The following PLXNB2 variants were observed in gnomAD, a reference collection of about 807,000 sequenced individuals.
PLXNB2 encodes the protein plexin B2.
PLXNB2 carries 85 observed loss-of-function variants against 202.6 expected under a neutral mutation model. That is an observed-to-expected ratio of 0.42 (90% confidence interval 0.35 to 0.50). The LOEUF (loss-of-function observed/expected upper bound fraction) is 0.50. Ranked by LOEUF, PLXNB2 falls within the 20% of genes least tolerant of loss-of-function variation. PLXNB2 has a pLI of 0.02. For synonymous variants in PLXNB2, 1,239 were observed against 1,137.6 expected (o/e 1.09, Z -1.79); for missense variants, 2,063 against 2,586.2 (o/e 0.80, Z 4.39).
Position 50,300,151 on chromosome 22 carries a change from G to T in PLXNB2, c.-73-5373C>A, listed in dbSNP as rs553530888. On this transcript the variant is annotated intron_variant, in intron 1 of 36. Transcript: ENST00000359337. ...CTGGAGGGAGCACGTGGCCGCCTCT[G>T]GGACAAACCTCACCAGGCCGGGGGC... The T allele has an allele frequency of 9.2e-5, 51 of 557,028 alleles. No homozygotes were observed. The South Asian group carries it at 1.2e-3, about 13-fold the overall frequency. The allele number at this position is 557,028 out of a possible 1,614,324, so 34.5% of individuals were successfully genotyped here.
At chr22:50,294,825 C>T in intron 1 of PLXNB2, 47 bp from the exon 2 acceptor site, 2 of 912,398 alleles carry the variant, frequency 2.2e-6, no homozygotes, top group Non-Finnish European at 2.6e-6. Context: ...GCCCGGTCTG[C>T]TGTGGAGCCC....
At chr22:50,299,188 G>A (rs2067490693) in intron 1 of PLXNB2, among the ~76,000 whole-genome samples, 1 of 152,212 alleles carries the variant, frequency 6.6e-6, no homozygotes, top group Admixed American at 6.5e-5. Flanking sequence ...GGGAGGGCAG[G>A]AGGGGGTGGC....
Position 50,281,816 on chromosome 22 carries a change from G to A in PLXNB2, c.3345+38C>T, listed in dbSNP as rs531327112. On this transcript the variant is annotated intron_variant, in intron 20 of 36. Coordinates refer to ENST00000359337, the MANE Select transcript of PLXNB2 (RefSeq NM_012401.4). Reference sequence around the variant, plus strand: ...GTGGACCAGCTCTCAGCCCAGACCCGAGCAGGACCCAGACACCCGGGGCTG... The same window carrying A: ...GTGGACCAGCTCTCAGCCCAGACCCAAGCAGGACCCAGACACCCGGGGCTG... 46 of 1,594,726 alleles carry A rather than the reference G, an allele frequency of 2.9e-5. 1 individual carries two copies. In the South Asian group the frequency reaches 3.9e-4, roughly 14 times the overall value.
chr22:50,277,668 C>G lies in PLXNB2; in HGVS notation c.5119G>C (p.Val1707Leu). 1 of 1,609,020 alleles carries G rather than the reference C, an allele frequency of 6.2e-7. No homozygotes were observed. Among genetic ancestry groups the G allele is most frequent in the Non-Finnish European group, 8.5e-7 (1 of 1,177,198 alleles). ...HFIFDVHVHE[V>L]VDASLSVIAQ... The stretch of plus-strand genomic sequence containing the variant: ...ATGACTGACAGCGAGGCGTCCACCA[C>G]CTCGTGGACATGCACGTCAAAGATG... Residue 1707 changes from valine (V) to leucine (L), a missense_variant, in exon 33 of 37, where the codon GTG becomes CTG. By Grantham distance (32) the Val-to-Leu change is conservative. Around this residue, in one of 2 missense-constraint regions of PLXNB2, gnomAD observed 760 missense variants for 1,109.4 expected, o/e 0.69. Coordinates refer to ENST00000359337, the MANE Select transcript of PLXNB2 (RefSeq NM_012401.4).
rs201044320 is a variant in PLXNB2, at chr22:50,283,798, G to A, written c.2421+35C>T. The A allele has an allele frequency of 2.5e-4, 398 of 1,612,554 alleles. 2 individuals carry two copies. In the African/African-American group the frequency reaches 4.1e-3, roughly 17 times the overall value. On this transcript the variant is annotated intron_variant, in intron 14 of 36. Transcript: ENST00000359337. Reference sequence around the variant, plus strand: ...GCAGGGAGGGGCTCATGCCAGGGACGAGGGAAGGTGTAGGCCAGGCTTCGA... The same window carrying A: ...GCAGGGAGGGGCTCATGCCAGGGACAAGGGAAGGTGTAGGCCAGGCTTCGA...
Position 50,281,133 on chromosome 22 carries a change from C to T in PLXNB2, c.3719G>A (p.Gly1240Asp). 6.2e-7 allele frequency: 1 copy of T among 1,613,362 alleles called. No homozygotes were observed. Among genetic ancestry groups the T allele is most frequent in the Non-Finnish European group, 8.5e-7 (1 of 1,179,922 alleles). Reference sequence around the variant, plus strand: ...GCGGTCCCGCACGCTCTCCTCCAGGCCCTCCAGCTGGGACTTGATCTTCTC... The same window carrying T: ...GCGGTCCCGCACGCTCTCCTCCAGGTCCTCCAGCTGGGACTTGATCTTCTC... The part of the protein sequence containing the change: ...EYEKIKSQLE[G>D]LEESVRDRCK... The change falls in exon 23 of 37, where the codon GGC becomes GAC. Residue 1240 changes from glycine (G) to aspartate (D), a missense_variant. Gly to Asp is a moderately conservative substitution (Grantham distance 94). Around this residue, in one of 2 missense-constraint regions of PLXNB2, gnomAD observed 760 missense variants for 1,109.4 expected, o/e 0.69. Transcript: ENST00000359337.
At position 50,276,659 on chromosome 22, in the gene PLXNB2, G is replaced by C. The variant is rs1440319925; in HGVS notation, c.5307C>G (p.Asp1769Glu). The change falls in exon 35 of 37, where the codon GAC (aspartate) becomes GAG (glutamate). Residue 1769 changes from aspartate to glutamate, a missense_variant. Physicochemically the swap from Asp to Glu is conservative, Grantham distance 45. Around this residue, in one of 2 missense-constraint regions of PLXNB2, gnomAD observed 760 missense variants for 1,109.4 expected, o/e 0.69. Coordinates refer to ENST00000359337, the MANE Select transcript of PLXNB2 (RefSeq NM_012401.4). ...IRQMVQVSDQ[D>E]MNTHLAEISR... ...AAATCTCTGCCAGGTGTGTGTTCAT[G>C]TCCTGGTCGCTGACCTGCACCATCT... 3.1e-6 allele frequency: 5 copies of C among 1,613,690 alleles called. No homozygotes were observed. The highest frequency in any genetic ancestry group is 4.2e-6 in the Non-Finnish European group (5 of 1,179,840).
At position 50,288,109 on chromosome 22, in the gene PLXNB2, C is replaced by T; in HGVS notation, c.1381-72G>A. On this transcript the variant is annotated intron_variant, in intron 5 of 36. Transcript: ENST00000359337. This position sits in a 1 kb window ranked among gnomAD's most constrained non-coding sequence, Gnocchi z 5.0. ...GCCTTCCGCAGACCCCAGATGTCCCCAGACCGCCAGCTTGACCCAGCTCTG... is the reference window on the plus strand; with the variant it reads ...GCCTTCCGCAGACCCCAGATGTCCCTAGACCGCCAGCTTGACCCAGCTCTG... 1 of 1,179,696 alleles carries T rather than the reference C, an allele frequency of 8.5e-7. No homozygotes were observed. Among genetic ancestry groups the T allele is most frequent in the Admixed American group, 2.2e-5 (1 of 45,828 alleles). 73.1% of individuals were successfully genotyped at this position (1,179,696 alleles called of 1,614,324 possible).
At position 50,289,532 on chromosome 22, in the gene PLXNB2, G is replaced by A. The variant is rs541323204; in HGVS notation, c.1053C>T (p.Cys351=). ...FYKPFHGDIQ[C]GGHAPGSSKS... is the part of the protein sequence containing the mutation. ...AGGCCCATACCGGCGCGTGGCCGCC[G>A]CACTGGATATCGCCGTGGAAGGGCT... is the stretch of plus-strand genomic sequence containing the variant. The change falls in exon 3 of 37, where the codon TGC becomes TGT. Residue 351 remains cysteine, a synonymous_variant. Coordinates refer to ENST00000359337, the MANE Select transcript of PLXNB2 (RefSeq NM_012401.4). This position sits in a 1 kb window ranked among gnomAD's most constrained non-coding sequence, Gnocchi z 8.0. 2.5e-5 allele frequency: 40 copies of A among 1,610,416 alleles called. 1 individual carries two copies. The East Asian group carries it at 6.5e-4, about 26-fold the overall frequency.
At chr22:50,293,371 T>C (rs1601743930) in intron 2 of PLXNB2, among the ~76,000 whole-genome samples, 1 of 151,682 alleles carries the variant, frequency 6.6e-6, no homozygotes, top group Non-Finnish European at 1.5e-5. Context: ...GCCGCGCCCC[T>C]CCCCTACCCA....
At chr22:50,279,878 G>T in intron 26 of PLXNB2, 102 bp from the exon 27 acceptor site, 1 of 1,474,418 alleles carries the variant, frequency 6.8e-7, no homozygotes, top group Non-Finnish European at 9.4e-7. Context: ...GACCATGTCA[G>T]GGGCAGGAAG....
At chr22:50,292,696 A>C (rs1271643155) in intron 2 of PLXNB2, among the ~76,000 whole-genome samples, 1 of 151,934 alleles carries the variant, frequency 6.6e-6, no homozygotes, top group Non-Finnish European at 1.5e-5. Flanking sequence ...CTTTGGGTGA[A>C]GCTGCATTTA....
At position 50,282,282 on chromosome 22, in the gene PLXNB2, C is replaced by T; in HGVS notation, c.3019G>A (p.Gly1007Ser). The part of the protein sequence containing the change: ...GGRSINVTGQ[G>S]FSLIQRFAMV... ...GCAAACCTCTGGATCAGGCTGAAGCCCTGACCCGTGACGTTGATGCTGCGG... is the reference window on the plus strand; with the variant it reads ...GCAAACCTCTGGATCAGGCTGAAGCTCTGACCCGTGACGTTGATGCTGCGG... Residue 1007 changes from glycine (G) to serine (S), a missense_variant, in exon 19 of 37, where the codon GGC becomes AGC. Physicochemically the swap from Gly to Ser is moderately conservative, Grantham distance 56 (BLOSUM62 0). This residue lies in a region of PLXNB2 where 1,303 missense variants were observed against 1,476.8 expected (regional missense o/e 0.88). Coordinates refer to ENST00000359337, the MANE Select transcript of PLXNB2 (RefSeq NM_012401.4). 6.2e-7 allele frequency: 1 copy of T among 1,611,908 alleles called. No homozygotes were observed. Among genetic ancestry groups the T allele is most frequent in the Non-Finnish European group, 8.5e-7 (1 of 1,179,512 alleles).
chr22:50,295,129 G>A (rs2067163874), intron 1 of PLXNB2, among the ~76,000 whole-genome samples: 1 of 151,984 alleles, frequency 6.6e-6, no homozygotes, highest in South Asian at 2.1e-4. Context: ...GACCATCCTG[G>A]TGAACACAGT....
chr22:50,293,711 CT>C (rs1265424469), intron 2 of PLXNB2, among the ~76,000 whole-genome samples: 3 of 152,232 alleles, frequency 2.0e-5, no homozygotes, highest in Admixed American at 6.5e-5. Flanking sequence ...TGCGGCGCCC[CT>C]AGCCCCAGGA....
Position 50,288,430 on chromosome 22 carries a change from C to T in PLXNB2, c.1380+313G>A, listed in dbSNP as rs1255278140. 1.3e-5 allele frequency among the ~76,000 whole-genome samples: 2 copies of T among 152,164 alleles called. No individual in the cohort carries two copies. The highest frequency in any genetic ancestry group is 2.4e-5 in the African/African-American group (1 of 41,434). On this transcript the variant is annotated intron_variant, in intron 5 of 36. Coordinates refer to ENST00000359337, the MANE Select transcript of PLXNB2 (RefSeq NM_012401.4). The surrounding 1 kb of genome is among the most constrained non-coding windows in gnomAD (Gnocchi z 5.0). ...GGGACCCCGTCTTCCCATCCACCCTCAGCAACACGCCTCAGACACCAACCC... is the reference window on the plus strand; with the variant it reads ...GGGACCCCGTCTTCCCATCCACCCTTAGCAACACGCCTCAGACACCAACCC...
chr22:50,279,688 G>A lies in PLXNB2; in HGVS notation c.4331C>T (p.Ala1444Val), dbSNP rs761210103. 2 of 1,613,818 alleles carry A rather than the reference G, an allele frequency of 1.2e-6. No individual in the cohort carries two copies. Among genetic ancestry groups the A allele is most frequent in the African/African-American group, 2.7e-5 (2 of 74,916 alleles). Residue 1444 changes from alanine to valine, a missense_variant, in exon 27 of 37, where the codon GCC (alanine) becomes GTC (valine). By Grantham distance (64) the Ala-to-Val change is moderately conservative. Around this residue, in one of 2 missense-constraint regions of PLXNB2, gnomAD observed 760 missense variants for 1,109.4 expected, o/e 0.69. Coordinates refer to ENST00000359337, the MANE Select transcript of PLXNB2 (RefSeq NM_012401.4). Reference sequence around the variant, plus strand: ...CCCCGTGTCGTTGAGAGTGTACTTGGCCTTCTTCTGTACCGCATCCACCGG... The same window carrying A: ...CCCCGTGTCGTTGAGAGTGTACTTGACCTTCTTCTGTACCGCATCCACCGG... ...KGPVDAVQKKAKYTLNDTGLL... is the reference protein window; with the variant it reads ...KGPVDAVQKKVKYTLNDTGLL...
At chr22:50,279,599 GC>G in intron 27 of PLXNB2, 30 bp downstream of exon 27, 1 of 1,608,880 alleles carries the variant, frequency 6.2e-7, no homozygotes, top group South Asian at 1.1e-5. Context: ...GATCCGAGGC[GC>G]CCATGGCGGC....
chr22:50,299,756 C>T (rs1038424488), intron 1 of PLXNB2, among the ~76,000 whole-genome samples: 4 of 152,148 alleles, frequency 2.6e-5, no homozygotes, highest in Admixed American at 2.6e-4. Context: ...GCCCCACCCA[C>T]CGGTGACCCG....
Sources: allele counts gnomAD v4.1 joint callset (sites outside exome capture counted in the v4.1 genomes callset), GRCh38; gene constraint gnomAD v4.1.1; regional missense constraint gnomAD v4.1.1; non-coding constraint Gnocchi (gnomAD v3.1); transcripts MANE v1.5; gene names NCBI Gene and HGNC (gene_info 2026-07-23, HGNC 2026-07-21).